ZNF471: variants seen among roughly 807,000 people sequenced by gnomAD.
ZNF471 encodes EZFIT-related protein 1.
A neutral mutation model predicts 13.7 loss-of-function variants in ZNF471; 7 were observed. That is an observed-to-expected ratio of 0.51 (90% CI 0.29 to 0.96). The LOEUF is 0.96. ZNF471 is among the 40% of genes least tolerant of loss of function. The pLI, the probability that ZNF471 is intolerant of heterozygous loss-of-function variation, is 0.08. For synonymous variants in ZNF471, 218 were observed against 235.6 expected, an observed-to-expected ratio of 0.93 and a Z score of 0.68; for missense variants, 663 against 743.3, an observed-to-expected ratio of 0.89 and a Z score of 1.26.
intron 4 of ZNF471, among the ~76,000 whole-genome samples, chr19:56,523,418 A>C: frequency 6.6e-6 from 1 of 151,972 alleles, no homozygotes; most frequent in Admixed American, 6.6e-5. Context: ...AGGCTGTTGA[A>C]AGTAAGATGA....
intron 2 of ZNF471, among the ~76,000 whole-genome samples, chr19:56,515,646 T>A (rs1247151622): frequency 1.3e-5 from 2 of 152,210 alleles, no homozygotes; most frequent in Non-Finnish European, 2.9e-5. Context: ...AAGAAGATAT[T>A]CATTTTCAAC....
In ZNF471 at chr19:56,526,010, G is replaced by A. The variant is rs954457353; in HGVS notation, c.*62G>A. Reference sequence around the variant, plus strand: ...CAATCCCCTACTGTTAATCAGAGATGTCCCACTGGATAAAAAACATATAAA... The same window carrying A: ...CAATCCCCTACTGTTAATCAGAGATATCCCACTGGATAAAAAACATATAAA... On this transcript the variant is annotated 3_prime_UTR_variant, in exon 5 of 5. Coordinates refer to ENST00000308031, the MANE Select transcript of ZNF471 (RefSeq NM_020813.4). 43 of 1,443,126 alleles carry A rather than the reference G, an allele frequency of 3.0e-5. 2 individuals carry two copies. Among genetic ancestry groups the A allele is most frequent in the Admixed American group, 2.4e-5 (1 of 41,912 alleles). 89.4% of individuals were successfully genotyped at this position (1,443,126 alleles called of 1,614,324 possible).
At chr19:56,521,756 C>A (rs10413931) in intron 4 of ZNF471, among the ~76,000 whole-genome samples, 21,715 of 150,884 alleles carry the variant, frequency 0.14, 1,768 homozygotes, top group Middle Eastern at 0.22. Flanking sequence ...CCAGACCAGC[C>A]TGGGCAACAG....
chr19:56,519,183 T>G (rs1170723346), intron 4 of ZNF471, among the ~76,000 whole-genome samples: 1 of 152,168 alleles, frequency 6.6e-6, no homozygotes. Flanking sequence ...CTTGGGAGAC[T>G]AGATGGCTCC....
Position 56,516,039 on chromosome 19 carries a change from G to A in ZNF471, c.34-236G>A, listed in dbSNP as rs1354821761. ...CAGGTGTGTGTTCTCCCTTGAAGCC[G>A]TCTTCACTGCCTTGTAGTTATGCAC... On this transcript the variant is annotated intron_variant, in intron 2 of 4. Coordinates refer to ENST00000308031, the MANE Select transcript of ZNF471 (RefSeq NM_020813.4). The surrounding 1 kb of genome is among the most constrained non-coding windows in gnomAD (Gnocchi z 4.4). Among the ~76,000 whole-genome samples the A allele has an allele frequency of 6.6e-6, 1 of 152,152 alleles. No homozygotes were observed. Among genetic ancestry groups the A allele is most frequent in the South Asian group, 2.1e-4 (1 of 4,832 alleles).
chr19:56,510,708 G>A lies in ZNF471; in HGVS notation c.-55-809G>A. ...TGGCCCTGTATGACTGCTGTGTATGGAGAGACTACTTGGAAGATTGATAGG... is the reference window on the plus strand; with the variant it reads ...TGGCCCTGTATGACTGCTGTGTATGAAGAGACTACTTGGAAGATTGATAGG... On this transcript the variant is annotated intron_variant, in intron 1 of 4. Coordinates refer to ENST00000308031, the MANE Select transcript of ZNF471 (RefSeq NM_020813.4). This position sits in a 1 kb window ranked among gnomAD's most constrained non-coding sequence, Gnocchi z 4.3. 1.0e-6 allele frequency: 1 copy of A among 985,504 alleles called. No individual in the cohort carries two copies. The allele number at this position is 985,504 out of a possible 1,614,324, so 61.0% of individuals were successfully genotyped here.
chr19:56,527,916 AAC>A lies in ZNF471; in HGVS notation c.*1972_*1973del, dbSNP rs2044067386. 6.6e-6 allele frequency: 1 copy of A among 152,328 alleles called. No homozygotes were observed. Among genetic ancestry groups the A allele is most frequent in the African/African-American group, 2.4e-5 (1 of 41,564 alleles). 9.4% of individuals were successfully genotyped at this position (152,328 alleles called of 1,614,324 possible). ...CACTTCTTTTGGTTCCCCAGTCCAA[AAC>A]ACAGTCATTTCACCTGGACTATTTC... is the stretch of plus-strand genomic sequence containing the variant. On this transcript the variant is annotated 3_prime_UTR_variant, in exon 5 of 5. Coordinates refer to ENST00000308031, the MANE Select transcript of ZNF471 (RefSeq NM_020813.4).
rs2043811492 is a variant in ZNF471 at position 56,511,514 on chromosome 19, C to T, written c.-55-3C>T. The T allele has an allele frequency of 1.2e-6, 2 of 1,610,572 alleles. No individual in the cohort carries two copies. Among genetic ancestry groups the T allele is most frequent in the Non-Finnish European group, 1.7e-6 (2 of 1,177,918 alleles). On this transcript the variant is annotated splice_polypyrimidine_tract_variant and splice_region_variant and intron_variant, in intron 1 of 4. Coordinates refer to ENST00000308031, the MANE Select transcript of ZNF471 (RefSeq NM_020813.4). ...TCTCTCTCTAACCTTTCCCTTCCTT[C>T]AGCCTTGCCCTCCCAAGACACTGTT...
In ZNF471 at chr19:56,529,791, A is replaced by AT. The variant is rs1215240140; in HGVS notation, c.*3844dup. 1 of 152,254 alleles carries AT rather than the reference A, an allele frequency of 6.6e-6. No individual in the cohort carries two copies. The highest frequency in any genetic ancestry group is 2.4e-5 in the African/African-American group (1 of 41,462). 9.4% of individuals were successfully genotyped at this position (152,254 alleles called of 1,614,324 possible). ...AATTTTATGTGAATGTGAAGTTTGG[A>AT]TAATATCCAGTATTGTCGCAGGTGT... On this transcript the variant is annotated 3_prime_UTR_variant, in exon 5 of 5. Coordinates refer to ENST00000308031, the MANE Select transcript of ZNF471 (RefSeq NM_020813.4).
At chr19:56,511,052 G>T in intron 1 of ZNF471, 1 of 982,792 alleles carries the variant, frequency 1.0e-6, no homozygotes, top group Non-Finnish European at 1.2e-6. Flanking sequence ...GGATAACCCT[G>T]GCCTCTGGTG....
At chr19:56,517,022 TTC>T (rs2043897483) in intron 3 of ZNF471, among the ~76,000 whole-genome samples, 1 of 152,208 alleles carries the variant, frequency 6.6e-6, no homozygotes, top group Non-Finnish European at 1.5e-5. Context: ...TTCTGTTCTT[TTC>T]TGTTTTGGAC....
At chr19:56,520,553 G>A (rs1453679046) in intron 4 of ZNF471, among the ~76,000 whole-genome samples, 1 of 152,188 alleles carries the variant, frequency 6.6e-6, no homozygotes, top group Non-Finnish European at 1.5e-5. Flanking sequence ...ATGTTTGTGT[G>A]CCCCTGAAAT....
rs2044091170 is a variant in ZNF471, at chr19:56,530,157, A to G, written c.*4209A>G. ...AGTTTATGAACTGAGATGTAACTTC[A>G]TGACTAACATGATGACATCGTTATT... On this transcript the variant is annotated 3_prime_UTR_variant, in exon 5 of 5. Coordinates refer to ENST00000308031, the MANE Select transcript of ZNF471 (RefSeq NM_020813.4). The G allele has an allele frequency of 6.6e-6, 1 of 152,250 alleles. No individual in the cohort carries two copies. Among genetic ancestry groups the G allele is most frequent in the Non-Finnish European group, 1.5e-5 (1 of 68,044 alleles). The allele number at this position is 152,250 out of a possible 1,614,324, so 9.4% of individuals were successfully genotyped here. A position where few individuals can be genotyped will look rare whatever the true frequency, so the allele number is the denominator to read the frequency against.
intron 2 of ZNF471, among the ~76,000 whole-genome samples, chr19:56,512,216 G>T (rs1347435859): frequency 6.7e-6 from 1 of 150,104 alleles, no homozygotes; most frequent in East Asian, 1.9e-4. Flanking sequence ...TTCTCACCAT[G>T]TATCTCATTC....
In ZNF471 at chr19:56,511,651, T is replaced by A. The variant is rs755859675; in HGVS notation, c.33+47T>A. ...CTTCATGAAAGGCAGTCTTGCTGTT[T>A]AGGACTTTTTGTAATGCTTCTTTTC... On this transcript the variant is annotated intron_variant, in intron 2 of 4. Transcript: ENST00000308031. 3 of 1,459,852 alleles carry A rather than the reference T, an allele frequency of 2.1e-6. No individual in the cohort carries two copies. In the South Asian group the frequency reaches 3.4e-5, roughly 17 times the overall value. The allele number at this position is 1,459,852 out of a possible 1,614,324, so 90.4% of individuals were successfully genotyped here.
Position 56,508,106 on chromosome 19 carries a change from C to A in ZNF471, c.-56+186C>A. On this transcript the variant is annotated intron_variant, in intron 1 of 4. Transcript: ENST00000308031. This position sits in a 1 kb window ranked among gnomAD's most constrained non-coding sequence, Gnocchi z 4.7. ...GCGGGGCGGAGGCCGCGGCTCGGGGCTGCTGGGCGTTCGGGGCGGCTTGGG... is the reference window on the plus strand; with the variant it reads ...GCGGGGCGGAGGCCGCGGCTCGGGGATGCTGGGCGTTCGGGGCGGCTTGGG... 4 of 985,392 alleles carry A rather than the reference C, an allele frequency of 4.1e-6. No homozygotes were observed. The highest frequency in any genetic ancestry group is 4.8e-6 in the Non-Finnish European group (4 of 829,936). 61.0% of individuals were successfully genotyped at this position (985,392 alleles called of 1,614,324 possible).
rs1021414989 is a variant in ZNF471 at position 56,526,137 on chromosome 19, G to A, written c.*189G>A. 5.5e-6 allele frequency: 3 copies of A among 548,658 alleles called. No homozygotes were observed. The highest frequency in any genetic ancestry group is 9.2e-6 in the Non-Finnish European group (3 of 326,968). 34.0% of individuals were successfully genotyped at this position (548,658 alleles called of 1,614,324 possible). On this transcript the variant is annotated 3_prime_UTR_variant, in exon 5 of 5. Coordinates refer to ENST00000308031, the MANE Select transcript of ZNF471 (RefSeq NM_020813.4). ...CCAGTGAGATCAACGCAGAAGGTGG[G>A]TGCTTTCTGTATTTCCAGCTGAGGT...
At chr19:56,515,306 C>T (rs1297396978) in intron 2 of ZNF471, among the ~76,000 whole-genome samples, 1 of 152,152 alleles carries the variant, frequency 6.6e-6, no homozygotes, top group African/African-American at 2.4e-5. Flanking sequence ...AGGAATACAT[C>T]TCATTTTATA....
chr19:56,511,089 T>A, intron 1 of ZNF471: 1 of 945,654 alleles, frequency 1.1e-6, no homozygotes, highest in Non-Finnish European at 1.2e-6. Flanking sequence ...TTTTCCTTTT[T>A]CTTTTGTTTT....
Sources: allele counts gnomAD v4.1 joint callset (sites outside exome capture counted in the v4.1 genomes callset), GRCh38; gene constraint gnomAD v4.1.1; non-coding constraint Gnocchi (gnomAD v3.1); transcripts MANE v1.5; gene names NCBI Gene and HGNC (gene_info 2026-07-23, HGNC 2026-07-21).